Variants in CCDC47 observed in about 807,000 individuals in gnomAD.
CCDC47 encodes coiled-coil domain containing 47.
Under a neutral mutation model 60.5 loss-of-function variants are expected in CCDC47, and 41 were observed. The ratio of observed to expected loss-of-function variants is 0.68; its 90% CI spans 0.53 to 0.88. The LOEUF (loss-of-function observed/expected upper bound fraction) is 0.88. Among genes scored for constraint, CCDC47 ranks in the 40% least tolerant of loss-of-function variants. The pLI, the probability that CCDC47 is intolerant of heterozygous loss-of-function variation, is 0.00. For synonymous variants in CCDC47, 195 were observed against 190.7 expected, an observed-to-expected ratio of 1.02 and a Z score of -0.18; for missense variants, 513 against 580.9, an observed-to-expected ratio of 0.88 and a Z score of 1.20.
At chr17:63,763,859 TA>T (rs1267857266) in intron 4 of CCDC47, among the ~76,000 whole-genome samples, 156 bp downstream of exon 4, 140 of 142,194 alleles carry the variant, frequency 9.8e-4, no homozygotes, top group Admixed American at 1.1e-3. Flanking sequence ...TAAATTAAAT[TA>T]AAAAAAAAAA....
intron 6 of CCDC47, among the ~76,000 whole-genome samples, chr17:63,758,509 AG>A (rs1568248658): frequency 7.7e-6 from 1 of 130,466 alleles, no homozygotes; most frequent in African/African-American, 2.6e-5. Flanking sequence ...CTCGGTCTCT[AG>A]AAAAAAAAAA....
chr17:63,751,071 G>A (rs559707591), intron 12 of CCDC47, among the ~76,000 whole-genome samples: 138 of 150,262 alleles, frequency 9.2e-4, no homozygotes, highest in Non-Finnish European at 1.8e-3. Flanking sequence ...GTAGAGACAA[G>A]GTCTCATGAT....
At chr17:63,757,306 G>C (rs1192701556) in intron 6 of CCDC47, among the ~76,000 whole-genome samples, 1 of 151,388 alleles carries the variant, frequency 6.6e-6, no homozygotes, top group East Asian at 1.9e-4. Flanking sequence ...CCAGAAGCTG[G>C]AGGCTGTAGT....
rs768375437 is a variant in CCDC47 at position 63,765,905 on chromosome 17, G to T, written c.264+7C>A. On this transcript the variant is annotated splice_region_variant and intron_variant, in intron 2 of 12. Coordinates refer to ENST00000225726, the MANE Select transcript of CCDC47 (RefSeq NM_020198.3). ...TTTTTCCAATAAATTAATAAAAAGA[G>T]CCTCACCTGGGTATCTGCATCTTCA... The T allele has an allele frequency of 6.3e-7, 1 of 1,597,988 alleles. No homozygotes were observed. Among genetic ancestry groups the T allele is most frequent in the South Asian group, 1.1e-5 (1 of 88,150 alleles).
At chr17:63,761,003 T>TAA (rs2059340985) in intron 5 of CCDC47, 24 bp from the exon 6 acceptor site, 1 of 1,584,346 alleles carries the variant, frequency 6.3e-7, no homozygotes, top group Non-Finnish European at 8.7e-7. Flanking sequence ...GAGAAGTAAG[T>TAA]AAATCCAACT....
chr17:63,758,069 G>A (rs906400098), intron 6 of CCDC47, among the ~76,000 whole-genome samples: 2 of 152,050 alleles, frequency 1.3e-5, no homozygotes, highest in African/African-American at 4.8e-5. Flanking sequence ...GCTCAGGGAG[G>A]GCATGAAAGC....
At chr17:63,754,223 A>G (rs570931606) in intron 9 of CCDC47, among the ~76,000 whole-genome samples, 2 of 152,288 alleles carry the variant, frequency 1.3e-5, no homozygotes, top group East Asian at 3.9e-4. Flanking sequence ...AGGGACACAT[A>G]CAAACTGGGA....
chr17:63,748,378 G>A (rs533175799), intron 12 of CCDC47, among the ~76,000 whole-genome samples: 1 of 152,240 alleles, frequency 6.6e-6, no homozygotes, highest in African/African-American at 2.4e-5. Context: ...CTCCCAAAGT[G>A]TTAGGATTAT....
intron 9 of CCDC47, 81 bp from the exon 10 acceptor site, chr17:63,752,880 T>TCA: frequency 6.5e-7 from 1 of 1,547,010 alleles, no homozygotes; most frequent in East Asian, 2.4e-5. Flanking sequence ...TACACTTAGA[T>TCA]GAACAGATAC....
intron 12 of CCDC47, among the ~76,000 whole-genome samples, chr17:63,751,392 A>AAAAAAAAAAAAAAAAAAAAAAAAAAT (rs2039163963): frequency 6.8e-6 from 1 of 146,174 alleles, no homozygotes; most frequent in Non-Finnish European, 1.5e-5. Context: ...AAAAAAAAAA[A>AAAAAAAAAAAAAAAAAAAAAAAAAAT]AAAAAAAAAA....
chr17:63,766,279 C>T, intron 1 of CCDC47, 85 bp from the exon 2 acceptor site: 1 of 1,273,860 alleles, frequency 7.9e-7, no homozygotes, highest in Non-Finnish European at 1.1e-6. Flanking sequence ...CTATAAACCT[C>T]TCCTGCTTTT....
In CCDC47 at chr17:63,764,179, G is replaced by C. The variant is rs368815154; in HGVS notation, c.384C>G (p.His128Gln). 6.2e-7 allele frequency: 1 copy of C among 1,605,128 alleles called. No homozygotes were observed. The highest frequency in any genetic ancestry group is 8.5e-7 in the Non-Finnish European group (1 of 1,177,276). ...AATAACTCTCCCAGCTGTTCTGGAG[G>C]TGTGCAGGAACCTAAAAAAGCAAAA... ...DPITIVDVPA[H>Q]LQNSWESYYL... is the part of the protein sequence containing the mutation. The change falls in exon 4 of 13, where the codon CAC (histidine) becomes CAG (glutamine). Residue 128 changes from histidine (H) to glutamine (Q), a missense_variant. Transcript: ENST00000225726.
In CCDC47 at chr17:63,746,963, T is replaced by C; in HGVS notation, c.1372-2A>G. The stretch of plus-strand genomic sequence containing the variant: ...TTGCTCACGCCTCAATGCAGCCTCC[T>C]AGAGAAAGAAGGGGTAATAAATAGA... On this transcript the variant is annotated splice_acceptor_variant, in intron 12 of 12. Transcript: ENST00000225726. LOFTEE classifies it high-confidence loss of function. 1 of 1,613,140 alleles carries C rather than the reference T, an allele frequency of 6.2e-7. No individual in the cohort carries two copies.
chr17:63,757,647 A>G (rs150178863), intron 6 of CCDC47, among the ~76,000 whole-genome samples: 2 of 152,336 alleles, frequency 1.3e-5, no homozygotes, highest in African/African-American at 4.8e-5. Context: ...GAATACACTC[A>G]ATACTTCACA....
intron 9 of CCDC47, 120 bp downstream of exon 9, chr17:63,754,313 G>A: frequency 1.5e-6 from 1 of 671,742 alleles, no homozygotes; most frequent in Non-Finnish European, 2.7e-6. Context: ...AAAATGTGGA[G>A]GCCTGTCACC....
intron 9 of CCDC47, chr17:63,753,625 A>G (rs988772804): frequency 5.1e-6 from 5 of 981,498 alleles, no homozygotes; most frequent in African/African-American, 1.7e-5. Flanking sequence ...AGTCCTGAAT[A>G]TGTACTCCTG....
intron 12 of CCDC47, among the ~76,000 whole-genome samples, chr17:63,749,142 C>G (rs2039142841): frequency 6.6e-6 from 1 of 151,922 alleles, no homozygotes; most frequent in Admixed American, 6.6e-5. Flanking sequence ...CGTAGTGGCT[C>G]ACGCCTGTAA....
chr17:63,754,441 A>G lies in CCDC47; in HGVS notation c.1026T>C (p.Ile342=), dbSNP rs763989774. The change falls in exon 9 of 13, where the codon ATT becomes ATC. Residue 342 remains isoleucine, a synonymous_variant. Transcript: ENST00000225726. ...HFSDQFSGPK[I]MQEEGQPLKL... is the part of the protein sequence containing the mutation. ...TTTTATCTTATACGTACTCTTGCAT[A>G]ATTTTTGGACCAGAGAACTGGTCTG... 6.1e-5 allele frequency: 98 copies of G among 1,593,848 alleles called. No individual in the cohort carries two copies. The Middle Eastern group carries it at 9.0e-4, about 15-fold the overall frequency.
rs748734937 is a variant in CCDC47, at chr17:63,756,460, C to G, written c.837+9G>C. The G allele has an allele frequency of 6.2e-7, 1 of 1,611,570 alleles. No homozygotes were observed. Among genetic ancestry groups the G allele is most frequent in the South Asian group, 1.1e-5 (1 of 91,034 alleles). On this transcript the variant is annotated intron_variant, in intron 7 of 12. Coordinates refer to ENST00000225726, the MANE Select transcript of CCDC47 (RefSeq NM_020198.3). The stretch of plus-strand genomic sequence containing the variant: ...CTACGTATATTTGAGTTGGAGCAAC[C>G]TGACATACCAAATCCTGCATCTCTT...
Sources: allele counts gnomAD v4.1 joint callset (sites outside exome capture counted in the v4.1 genomes callset), GRCh38; gene constraint gnomAD v4.1.1; transcripts MANE v1.5; gene names NCBI Gene and HGNC (gene_info 2026-07-23, HGNC 2026-07-21).